The following GRIK1 variants were observed in gnomAD, a reference collection of about 807,000 sequenced individuals.
GRIK1 encodes glutamate ionotropic receptor kainate type subunit 1.
In GRIK1, 69 loss-of-function variants were observed where a neutral mutation model predicts 105.7. The observed-to-expected ratio is 0.65, with a 90% CI of 0.54 to 0.80. The LOEUF is 0.80. Ranked by LOEUF, GRIK1 falls within the 30% of genes least tolerant of loss-of-function variation. The probability of loss-of-function intolerance (pLI) is 0.00; values close to 1 mark genes in which losing one functional copy is unlikely to be tolerated. For missense variants in GRIK1, 1,109 were observed against 1,167.3 expected, an observed-to-expected ratio of 0.95 and a Z score of 0.73; for synonymous variants, 438 against 431.3, an observed-to-expected ratio of 1.02 and a Z score of -0.19.
chr21:29,769,216 G>A (rs887466428), intron 1 of GRIK1, among the ~76,000 whole-genome samples: 2 of 152,084 alleles, frequency 1.3e-5, no homozygotes, highest in African/African-American at 4.8e-5. Flanking sequence ...AGGAGACAAG[G>A]TATTTATAGA....
chr21:29,898,156 T>C (rs2070243427), intron 1 of GRIK1, among the ~76,000 whole-genome samples: 1 of 152,224 alleles, frequency 6.6e-6, no homozygotes. Context: ...TTTCCCCTTT[T>C]CTTTCCTAAA....
At chr21:29,847,315 G>A (rs1333342689) in intron 1 of GRIK1, among the ~76,000 whole-genome samples, 3 of 152,004 alleles carry the variant, frequency 2.0e-5, no homozygotes, top group South Asian at 4.1e-4. Context: ...AACTATTGTG[G>A]CCAGGAGCAG....
At chr21:29,939,074 C>A (rs991107436) in intron 1 of GRIK1, among the ~76,000 whole-genome samples, 1 of 152,104 alleles carries the variant, frequency 6.6e-6, no homozygotes, top group African/African-American at 2.4e-5. Flanking sequence ...TGCAGCGGCT[C>A]GCGATCCCTT....
intron 1 of GRIK1, among the ~76,000 whole-genome samples, chr21:29,858,151 G>A (rs925582822): frequency 2.4e-4 from 36 of 152,170 alleles, no homozygotes; most frequent in Admixed American, 8.5e-4. Flanking sequence ...TGCCCACTTC[G>A]GTCTCCCAGA....
intron 15 of GRIK1, among the ~76,000 whole-genome samples, chr21:29,559,619 T>G (rs187415515): frequency 6.6e-6 from 1 of 152,214 alleles, no homozygotes; most frequent in African/African-American, 2.4e-5. Flanking sequence ...ATAGCACATA[T>G]TTCTAACACC....
intron 6 of GRIK1, among the ~76,000 whole-genome samples, chr21:29,647,671 A>T (rs113355932): frequency 1.2e-3 from 190 of 152,308 alleles, no homozygotes; most frequent in South Asian, 6.0e-3. Context: ...TTGAGAATGA[A>T]CCATTCTGTA....
At chr21:29,705,488 A>G (rs552622823) in intron 1 of GRIK1, among the ~76,000 whole-genome samples, 4 of 152,352 alleles carry the variant, frequency 2.6e-5, no homozygotes, top group African/African-American at 9.6e-5. Flanking sequence ...ATGCAGTGGA[A>G]TTGTTGTCTT....
chr21:29,884,330 A>T (rs569507157), intron 1 of GRIK1, among the ~76,000 whole-genome samples: 1 of 152,194 alleles, frequency 6.6e-6, no homozygotes, highest in South Asian at 2.1e-4. Context: ...ATCTCATTTT[A>T]CTATCCTATC....
At chr21:29,674,072 TTG>T (rs386817806) in intron 3 of GRIK1, among the ~76,000 whole-genome samples, 1 of 151,266 alleles carries the variant, frequency 6.6e-6, no homozygotes. Flanking sequence ...GTTTTTTTTT[TTG>T]TTGTTTTTTT....
At chr21:29,706,873 T>G (rs888355158) in intron 1 of GRIK1, among the ~76,000 whole-genome samples, 8 of 150,748 alleles carry the variant, frequency 5.3e-5, no homozygotes, top group African/African-American at 1.9e-4. Flanking sequence ...TTCAAGGCAT[T>G]TTTTTTTTTG....
chr21:29,678,850 T>C (rs2063321893), intron 3 of GRIK1, among the ~76,000 whole-genome samples: 1 of 152,202 alleles, frequency 6.6e-6, no homozygotes, highest in Non-Finnish European at 1.5e-5. Flanking sequence ...GTATAGCACA[T>C]CTTGCATTTT....
chr21:29,676,250 G>C (rs974884865), intron 3 of GRIK1, among the ~76,000 whole-genome samples: 1 of 152,174 alleles, frequency 6.6e-6, no homozygotes, highest in East Asian at 1.9e-4. Context: ...GCTTCAGAAA[G>C]GGGGAGGATC....
Position 29,869,942 on chromosome 21 carries a change from C to T in GRIK1, c.118+69441G>A, listed in dbSNP as rs531965860. 5.9e-5 allele frequency among the ~76,000 whole-genome samples: 9 copies of T among 152,176 alleles called. No homozygotes were observed. In the South Asian group the frequency reaches 8.3e-4, roughly 14 times the overall value. ...TAGTGTAAACTGCACTTTTGCAGAT[C>T]CTTTAAAACTAGGACTGTCAGGTTG... On this transcript the variant is annotated intron_variant, in intron 1 of 17. Transcript: ENST00000327783.
At chr21:29,739,909 G>A (rs2064884179) in intron 1 of GRIK1, among the ~76,000 whole-genome samples, 1 of 152,074 alleles carries the variant, frequency 6.6e-6, no homozygotes, top group African/African-American at 2.4e-5. Flanking sequence ...TTACCATAAA[G>A]TGTTTTTATG....
intron 14 of GRIK1, among the ~76,000 whole-genome samples, chr21:29,566,010 A>T (rs1187641033): frequency 6.6e-6 from 1 of 152,192 alleles, no homozygotes; most frequent in Non-Finnish European, 1.5e-5. Flanking sequence ...TTTGTTAGAT[A>T]AAAAAGTAGA....
chr21:29,738,339 C>G (rs1220189466), intron 1 of GRIK1, among the ~76,000 whole-genome samples: 1 of 152,220 alleles, frequency 6.6e-6, no homozygotes. Context: ...AACCATCTTC[C>G]CACCTTTGAG....
At chr21:29,867,886 A>AAGAGAG (rs748327047) in intron 1 of GRIK1, among the ~76,000 whole-genome samples, 79,368 of 128,794 alleles carry the variant, frequency 0.62, 24,194 homozygotes, top group Non-Finnish European at 0.72. Flanking sequence ...AAGAGAGAGA[A>AAGAGAG]AGAGAGAGAG....
chr21:29,903,725 G>C (rs1050191589), intron 1 of GRIK1, among the ~76,000 whole-genome samples: 1 of 150,838 alleles, frequency 6.6e-6, no homozygotes, highest in Non-Finnish European at 1.5e-5. Context: ...ACAGTGTGGC[G>C]ATCATCTAGA....
intron 1 of GRIK1, among the ~76,000 whole-genome samples, chr21:29,776,126 T>C (rs2065937722): frequency 1.3e-5 from 2 of 152,110 alleles, no homozygotes; most frequent in South Asian, 4.1e-4. Flanking sequence ...GTCATGAATA[T>C]AGCATAGGGG....
Sources: gnomAD v4.1 joint callset for allele counts (sites outside exome capture counted in the v4.1 genomes callset) on GRCh38, gnomAD v4.1.1 for gene constraint, MANE v1.5 for transcripts, NCBI Gene and HGNC (gene_info 2026-07-23, HGNC 2026-07-21) for gene names.